Variants in SAXO1 observed in about 807,000 individuals in gnomAD.
SAXO1 encodes the protein stabilizer of axonemal microtubules 1.
In SAXO1, 21 loss-of-function variants were observed where a neutral mutation model predicts 17.5. The observed-to-expected ratio is 1.20, with a 90% CI of 0.85 to 1.72. The LOEUF (loss-of-function observed/expected upper bound fraction) is 1.72. Among genes scored for constraint, SAXO1 ranks in the 40% most tolerant of loss-of-function variants. The probability of loss-of-function intolerance (pLI) is 0.00; values close to 1 mark genes in which losing one functional copy is unlikely to be tolerated. For synonymous variants in SAXO1, 274 were observed against 216.5 expected (o/e 1.27, Z -2.33); for missense variants, 843 against 596.0 (o/e 1.41, Z -4.32).
chr9:19,004,574 G>A (rs889712992), intron 1 of SAXO1, among the ~76,000 whole-genome samples: 6 of 152,268 alleles, frequency 3.9e-5, no homozygotes, highest in African/African-American at 1.2e-4. Flanking sequence ...CATGGACATG[G>A]ATGAAGCTGG....
chr9:19,046,939 C>G (rs947683173), intron 1 of SAXO1, among the ~76,000 whole-genome samples: 5 of 152,194 alleles, frequency 3.3e-5, no homozygotes, highest in African/African-American at 7.2e-5. Context: ...GTAACCCCAG[C>G]ACTTTGGGAA....
At chr9:19,007,072 G>C (rs1442299998) in intron 1 of SAXO1, among the ~76,000 whole-genome samples, 1 of 150,868 alleles carries the variant, frequency 6.6e-6, no homozygotes, top group Admixed American at 6.6e-5. Context: ...AAATAGACCA[G>C]GTGCTGTGGC....
At chr9:19,029,360 A>G (rs1372431171) in intron 1 of SAXO1, among the ~76,000 whole-genome samples, 1 of 152,206 alleles carries the variant, frequency 6.6e-6, no homozygotes, top group Admixed American at 6.5e-5. Context: ...ACTGAAGCCC[A>G]GAGAGAACCA....
intron 1 of SAXO1, among the ~76,000 whole-genome samples, chr9:19,026,105 T>A (rs1240576071): frequency 6.6e-6 from 1 of 152,214 alleles, no homozygotes; most frequent in Non-Finnish European, 1.5e-5. Context: ...GAAGATTATT[T>A]GTAAGCTTCC....
intron 3 of SAXO1, among the ~76,000 whole-genome samples, chr9:18,933,731 G>A (rs1287780934): frequency 2.6e-5 from 4 of 152,124 alleles, no homozygotes; most frequent in African/African-American, 9.7e-5. Flanking sequence ...CATTGTTTCT[G>A]AAGAGAACTT....
chr9:19,032,810 C>G, intron 1 of SAXO1, 61 bp downstream of exon 1: 2 of 1,579,962 alleles, frequency 1.3e-6, no homozygotes, highest in Non-Finnish European at 1.7e-6. Context: ...GGAGGCTTCC[C>G]TTCCTCGGGA....
chr9:18,983,791 C>T (rs1032021892), intron 1 of SAXO1, among the ~76,000 whole-genome samples: 2 of 152,168 alleles, frequency 1.3e-5, no homozygotes, highest in Non-Finnish European at 1.5e-5. Flanking sequence ...CACCCCACTC[C>T]CACGAATCAC....
At chr9:19,020,903 T>C (rs933942205) in intron 1 of SAXO1, among the ~76,000 whole-genome samples, 2 of 152,230 alleles carry the variant, frequency 1.3e-5, no homozygotes, top group African/African-American at 2.4e-5. Context: ...TCTGGCCTGC[T>C]TGTTCAATGA....
chr9:18,990,573 C>G (rs572361605), intron 1 of SAXO1, among the ~76,000 whole-genome samples: 6 of 152,216 alleles, frequency 3.9e-5, no homozygotes, highest in South Asian at 2.1e-4. Context: ...TGCTTTACAA[C>G]AGAGGTCCCC....
chr9:18,955,016 C>T (rs1832200468), intron 1 of SAXO1, among the ~76,000 whole-genome samples: 1 of 151,642 alleles, frequency 6.6e-6, no homozygotes, highest in Non-Finnish European at 1.5e-5. Context: ...TTTTAATTTT[C>T]TATTATAGTA....
At chr9:18,990,223 G>A (rs1223771031) in intron 1 of SAXO1, among the ~76,000 whole-genome samples, 1 of 150,684 alleles carries the variant, frequency 6.6e-6, no homozygotes, top group South Asian at 2.1e-4. Context: ...ACTTCCTATA[G>A]CCTATAATGA....
intron 1 of SAXO1, among the ~76,000 whole-genome samples, chr9:18,997,621 G>C (rs1372898669): frequency 6.6e-6 from 1 of 152,250 alleles, no homozygotes; most frequent in Non-Finnish European, 1.5e-5. Flanking sequence ...GGTTCTCCCA[G>C]CATGGCATTC....
intron 1 of SAXO1, among the ~76,000 whole-genome samples, chr9:19,020,960 C>G (rs1835208612): frequency 6.6e-6 from 1 of 152,252 alleles, no homozygotes; most frequent in Admixed American, 6.5e-5. Flanking sequence ...CCATCTTTCA[C>G]TAGCTTTATC....
chr9:18,991,659 T>C (rs1381532105), intron 1 of SAXO1, among the ~76,000 whole-genome samples: 1 of 152,196 alleles, frequency 6.6e-6, no homozygotes, highest in Non-Finnish European at 1.5e-5. Context: ...GGCACATGTA[T>C]ACCTATGTAC....
At chr9:18,962,789 C>T (rs1832541072) in intron 1 of SAXO1, among the ~76,000 whole-genome samples, 1 of 152,208 alleles carries the variant, frequency 6.6e-6, no homozygotes, top group Non-Finnish European at 1.5e-5. Context: ...TTTTGCTGTG[C>T]AGAAGCTCTT....
chr9:19,022,405 T>C (rs760135649), intron 1 of SAXO1, among the ~76,000 whole-genome samples: 6 of 152,284 alleles, frequency 3.9e-5, no homozygotes, highest in Non-Finnish European at 5.9e-5. Flanking sequence ...CCAGACACAA[T>C]AGCATGTTCT....
intron 1 of SAXO1, among the ~76,000 whole-genome samples, chr9:19,039,329 G>T (rs1451100969): frequency 6.6e-6 from 1 of 152,136 alleles, no homozygotes. Flanking sequence ...CGGTATTGTT[G>T]GGATGTGATT....
rs62563560 is a variant in SAXO1 at position 19,033,054 on chromosome 9, C to A, written c.-146G>T. The A allele has an allele frequency of 1.9e-3, 1,545 of 796,868 alleles. 11 individuals are homozygous for A. Among genetic ancestry groups the A allele is most frequent in the Middle Eastern group, 0.01 (29 of 2,828 alleles). 49.4% of individuals were successfully genotyped at this position (796,868 alleles called of 1,614,324 possible). On this transcript the variant is annotated 5_prime_UTR_variant, in exon 1 of 4. The change creates a new upstream start codon in the 5' untranslated region. Transcript: ENST00000380534. ...TACTCGAAGGAAAATTTAAGTGGCC[C>A]TTTTGCAATGTCCTGTCGTCTGTTG...
At chr9:19,011,155 C>A (rs1370705548) in intron 1 of SAXO1, among the ~76,000 whole-genome samples, 4 of 152,132 alleles carry the variant, frequency 2.6e-5, no homozygotes, top group African/African-American at 9.7e-5. Flanking sequence ...CTAATAGCAC[C>A]CTAAACCTAA....
Sources: allele counts gnomAD v4.1 joint callset (sites outside exome capture counted in the v4.1 genomes callset), GRCh38; gene constraint gnomAD v4.1.1; transcripts MANE v1.5; gene names NCBI Gene and HGNC (gene_info 2026-07-23, HGNC 2026-07-21).